Variants in IGF1R observed in about 807,000 individuals in gnomAD.
The protein encoded by IGF1R is insulin like growth factor 1 receptor, also known as insulin-like growth factor 1 receptor.
Under a neutral mutation model 144.6 loss-of-function variants are expected in IGF1R, and 44 were observed. That is an observed-to-expected ratio of 0.30 (90% confidence interval 0.24 to 0.39). The LOEUF is 0.39. Among genes scored for constraint, IGF1R ranks in the 10% least tolerant of loss-of-function variants. The pLI, the probability that IGF1R is intolerant of heterozygous loss-of-function variation, is 1.00. For synonymous variants in IGF1R, 795 were observed against 722.8 expected (o/e 1.10, Z -1.60); for missense variants, 1,355 against 1,833.7 (o/e 0.74, Z 4.77).
At chr15:98,679,006 C>A (rs1282950472) in intron 1 of IGF1R, among the ~76,000 whole-genome samples, 1 of 146,994 alleles carries the variant, frequency 6.8e-6, no homozygotes, top group Non-Finnish European at 1.5e-5. Flanking sequence ...ACTGTAGCCC[C>A]AGCCCACTGG....
At position 98,959,061 on chromosome 15, in the gene IGF1R, C is replaced by T. The variant is rs2017124417; in HGVS notation, c.*1619C>T. On this transcript the variant is annotated 3_prime_UTR_variant, in exon 21 of 21. Transcript: ENST00000650285. ...CACAGCATTGGAGCCTGTTACAGTG[C>T]AAGACATGATACAAACTCAGGTCAG... The T allele has an allele frequency of 4.3e-6, 1 of 233,132 alleles. No homozygotes were observed. The highest frequency in any genetic ancestry group is 8.5e-6 in the Non-Finnish European group (1 of 118,032). 14.4% of individuals were successfully genotyped at this position (233,132 alleles called of 1,614,324 possible).
At chr15:98,869,436 T>TC (rs991868656) in intron 2 of IGF1R, among the ~76,000 whole-genome samples, 6 of 145,616 alleles carry the variant, frequency 4.1e-5, no homozygotes, top group Non-Finnish European at 7.6e-5. Context: ...TTGAGATTCT[T>TC]TTTTTTTTTT....
rs1309012716 is a variant in IGF1R, at chr15:98,961,888, A to G, written c.*4446A>G. The G allele has an allele frequency of 4.3e-6, 1 of 233,228 alleles. No homozygotes were observed. The highest frequency in any genetic ancestry group is 8.5e-6 in the Non-Finnish European group (1 of 118,074). 14.4% of individuals were successfully genotyped at this position (233,228 alleles called of 1,614,324 possible). Reference sequence around the variant, plus strand: ...CCTGTTTCTTAAGATGCGGAGTCACATTTCAATGGTACGAAAAGTGGCTTC... The same window carrying G: ...CCTGTTTCTTAAGATGCGGAGTCACGTTTCAATGGTACGAAAAGTGGCTTC... On this transcript the variant is annotated 3_prime_UTR_variant, in exon 21 of 21. Transcript: ENST00000650285.
intron 2 of IGF1R, among the ~76,000 whole-genome samples, chr15:98,802,789 G>A (rs752611888): frequency 6.6e-6 from 1 of 152,178 alleles, no homozygotes; most frequent in Non-Finnish European, 1.5e-5. Flanking sequence ...GCGGTCTTAA[G>A]TGAGTGAGAC....
In IGF1R at chr15:98,935,417, A is replaced by G. The variant is rs1010668569; in HGVS notation, c.3288A>G (p.Pro1096=). Residue 1096 remains proline (P), a synonymous_variant, in exon 17 of 21, where the codon CCA becomes CCG. Coordinates refer to ENST00000650285, the MANE Select transcript of IGF1R (RefSeq NM_000875.5). This position sits in a 1 kb window ranked among gnomAD's most constrained non-coding sequence, Gnocchi z 4.2. The part of the protein sequence containing the change: ...DLKSYLRSLR[P]EMENNPVLAP... ...AAAGTTATCTCCGGTCTCTGAGGCC[A>G]GAAATGGAGGTCAGTTTTCATTTCC... The G allele has an allele frequency of 6.5e-7, 1 of 1,542,470 alleles. No individual in the cohort carries two copies. Among genetic ancestry groups the G allele is most frequent in the African/African-American group, 1.4e-5 (1 of 72,990 alleles).
intron 2 of IGF1R, among the ~76,000 whole-genome samples, chr15:98,801,572 C>G (rs143946236): frequency 6.6e-6 from 1 of 152,220 alleles, no homozygotes; most frequent in Non-Finnish European, 1.5e-5. Flanking sequence ...GGAGCAAACC[C>G]CAAGCCGACT....
In IGF1R at chr15:98,959,501, T is replaced by C. The variant is rs2151742536; in HGVS notation, c.*2059T>C. ...GCGGCACCCTCAGGGCTGTGCCCGC[T>C]GGAGTGCTAGGTGGAGGCAGCACAG... On this transcript the variant is annotated 3_prime_UTR_variant, in exon 21 of 21. Coordinates refer to ENST00000650285, the MANE Select transcript of IGF1R (RefSeq NM_000875.5). The C allele has an allele frequency of 4.3e-6, 1 of 233,662 alleles. No individual in the cohort carries two copies. Among genetic ancestry groups the C allele is most frequent in the Admixed American group, 5.6e-5 (1 of 17,810 alleles). The allele number at this position is 233,662 out of a possible 1,614,324, so 14.5% of individuals were successfully genotyped here. A position where few individuals can be genotyped will look rare whatever the true frequency, so the allele number is the denominator to read the frequency against.
At chr15:98,835,864 G>T (rs1042421538) in intron 2 of IGF1R, among the ~76,000 whole-genome samples, 1 of 152,150 alleles carries the variant, frequency 6.6e-6, no homozygotes, top group Non-Finnish European at 1.5e-5. Context: ...ATTTGTTTTG[G>T]GCTCTAGCCA....
intron 10 of IGF1R, 103 bp from the exon 11 acceptor site, chr15:98,922,045 C>G: frequency 7.6e-7 from 1 of 1,309,890 alleles, no homozygotes; most frequent in South Asian, 1.2e-5. Flanking sequence ...TCAATAGCTC[C>G]TTCTATTCCA....
At chr15:98,738,821 T>A (rs2054671588) in intron 2 of IGF1R, among the ~76,000 whole-genome samples, 1 of 152,158 alleles carries the variant, frequency 6.6e-6, no homozygotes, top group Non-Finnish European at 1.5e-5. Flanking sequence ...CCCGCAGCCA[T>A]GAAAGGTAGG....
rs557770784 is a variant in IGF1R, at chr15:98,956,444, G to C, written c.3723-617G>C. Among the ~76,000 whole-genome samples the C allele has an allele frequency of 1.0e-3, 158 of 152,376 alleles. 1 individual carries two copies. Among genetic ancestry groups the C allele is most frequent in the African/African-American group, 3.7e-3 (152 of 41,594 alleles). ...GGGCTTGCTTGTGCAGGGCTGGAGC[G>C]AGCACGTGCTAGATGGAGACAGCAG... On this transcript the variant is annotated intron_variant, in intron 20 of 20. Transcript: ENST00000650285.
rs889408414 is a variant in IGF1R, at chr15:98,962,335, C to A, written c.*4893C>A. 1.3e-5 allele frequency: 3 copies of A among 233,388 alleles called. No homozygotes were observed. Among genetic ancestry groups the A allele is most frequent in the Non-Finnish European group, 8.5e-6 (1 of 118,128 alleles). The allele number at this position is 233,388 out of a possible 1,614,324, so 14.5% of individuals were successfully genotyped here. The stretch of plus-strand genomic sequence containing the variant: ...GGGGTTTGTTCTTTTCGTTAATGTT[C>A]CTCTGTGTTGTCAGCTGTCTTCATT... On this transcript the variant is annotated 3_prime_UTR_variant, in exon 21 of 21. Coordinates refer to ENST00000650285, the MANE Select transcript of IGF1R (RefSeq NM_000875.5).
intron 2 of IGF1R, among the ~76,000 whole-genome samples, chr15:98,753,431 C>T (rs1437082162): frequency 9.8e-6 from 1 of 102,424 alleles, no homozygotes; most frequent in Non-Finnish European, 1.8e-5. Flanking sequence ...CGGGGTCATT[C>T]TATGTTGCCC....
intron 2 of IGF1R, among the ~76,000 whole-genome samples, chr15:98,849,564 T>G (rs1429055841): frequency 6.6e-6 from 1 of 152,180 alleles, no homozygotes; most frequent in African/African-American, 2.4e-5. Context: ...TCATAAAAAT[T>G]GAATTTAAAT....
chr15:98,716,893 CT>C (rs1335397720), intron 2 of IGF1R, among the ~76,000 whole-genome samples: 3 of 152,164 alleles, frequency 2.0e-5, no homozygotes, highest in Non-Finnish European at 1.5e-5. Context: ...GGCCTCACCC[CT>C]GATATCCCTG....
intron 2 of IGF1R, among the ~76,000 whole-genome samples, chr15:98,778,466 G>A (rs190071343): frequency 6.6e-6 from 1 of 152,176 alleles, no homozygotes; most frequent in South Asian, 2.1e-4. Flanking sequence ...ACCCAGAGAG[G>A]GTCATGGTTT....
chr15:98,870,033 C>T (rs1430418072), intron 2 of IGF1R, among the ~76,000 whole-genome samples: 1 of 152,208 alleles, frequency 6.6e-6, no homozygotes, highest in Non-Finnish European at 1.5e-5. Flanking sequence ...TGCCCTAGTA[C>T]AGTGTACACT....
At chr15:98,695,391 A>T (rs2053573009) in intron 1 of IGF1R, among the ~76,000 whole-genome samples, 1 of 152,174 alleles carries the variant, frequency 6.6e-6, no homozygotes, top group South Asian at 2.1e-4. Flanking sequence ...GATGTGTGTG[A>T]GAGAGCACCT....
chr15:98,812,757 C>T (rs1285449115), intron 2 of IGF1R, among the ~76,000 whole-genome samples: 1 of 152,184 alleles, frequency 6.6e-6, no homozygotes, highest in East Asian at 1.9e-4. Context: ...CCCTTGCCCC[C>T]AACTTTTATC....
Sources: allele counts gnomAD v4.1 joint callset (sites outside exome capture counted in the v4.1 genomes callset), GRCh38; gene constraint gnomAD v4.1.1; non-coding constraint Gnocchi (gnomAD v3.1); transcripts MANE v1.5; gene names NCBI Gene and HGNC (gene_info 2026-07-23, HGNC 2026-07-21).